The following TASP1 variants were observed in gnomAD, a reference collection of about 807,000 sequenced individuals.
TASP1 encodes threonine aspartase 1.
TASP1 carries 16 observed loss-of-function variants against 56.6 expected under a neutral mutation model. The ratio of observed to expected loss-of-function variants is 0.28; its 90% CI spans 0.19 to 0.43. The LOEUF is 0.43. Ranked by LOEUF, TASP1 falls within the 20% of genes least tolerant of loss-of-function variation. The probability of loss-of-function intolerance (pLI) is 1.00; values close to 1 mark genes in which losing one functional copy is unlikely to be tolerated. For synonymous variants in TASP1, 179 were observed against 184.2 expected (o/e 0.97, Z 0.23); for missense variants, 393 against 511.6 (o/e 0.77, Z 2.24).
the TASP1 span, chr20:13,238,917 AG>A: frequency 6.6e-6 from 1 of 152,240 alleles, no homozygotes; most frequent in African/African-American, 2.4e-5. Context: ...TGCTGGAAAA[AG>A]GCTAACAACT....
chr20:13,467,212 C>CACACAT (rs2044294812), intron 11 of TASP1, among the ~76,000 whole-genome samples: 1 of 150,880 alleles, frequency 6.6e-6, no homozygotes, highest in Non-Finnish European at 1.5e-5. Context: ...CACACACACA[C>CACACAT]ACACGACACA....
At chr20:13,519,849 A>G (rs1232476517) in intron 10 of TASP1, among the ~76,000 whole-genome samples, 1 of 152,218 alleles carries the variant, frequency 6.6e-6, no homozygotes, top group Non-Finnish European at 1.5e-5. Flanking sequence ...TTTGCAGATG[A>G]CATGATTGTA....
At chr20:13,438,718 A>C (rs969678364) in intron 11 of TASP1, among the ~76,000 whole-genome samples, 1 of 152,248 alleles carries the variant, frequency 6.6e-6, no homozygotes, top group Non-Finnish European at 1.5e-5. Flanking sequence ...GTGAACAGGC[A>C]ACCTATAGAA....
chr20:13,538,571 C>A (rs534924769), intron 8 of TASP1, among the ~76,000 whole-genome samples: 57 of 152,148 alleles, frequency 3.7e-4, no homozygotes, highest in African/African-American at 1.3e-3. Context: ...TGACTTATAC[C>A]CTAACATGAC....
the TASP1 span, among the ~76,000 whole-genome samples, chr20:13,122,302 C>G: frequency 7.2e-5 from 11 of 152,222 alleles, no homozygotes; most frequent in Non-Finnish European, 1.5e-4. Context: ...CAATGTGACT[C>G]AATCTGTGAT....
the TASP1 span, among the ~76,000 whole-genome samples, chr20:13,155,841 T>A: frequency 6.6e-6 from 1 of 151,964 alleles, no homozygotes; most frequent in Admixed American, 6.6e-5. Flanking sequence ...ATAATAATAA[T>A]AATAAGTTTT....
the TASP1 span, among the ~76,000 whole-genome samples, chr20:13,234,803 T>G: frequency 6.6e-6 from 1 of 152,228 alleles, no homozygotes; most frequent in Non-Finnish European, 1.5e-5. Flanking sequence ...AACGAGGTCA[T>G]TTGGTTTTTT....
At chr20:13,317,657 C>A in the TASP1 span, among the ~76,000 whole-genome samples, 25 of 152,024 alleles carry the variant, frequency 1.6e-4, no homozygotes, top group Admixed American at 8.5e-4. Context: ...AGTCAGTTGA[C>A]CTTTGACAAG....
intron 6 of TASP1, among the ~76,000 whole-genome samples, chr20:13,579,034 C>A (rs1403809815): frequency 1.3e-5 from 2 of 152,178 alleles, no homozygotes; most frequent in Non-Finnish European, 2.9e-5. Context: ...ATACTTTTTA[C>A]ATGGTTTATG....
At chr20:13,443,625 G>A (rs942662061) in intron 11 of TASP1, among the ~76,000 whole-genome samples, 4 of 152,168 alleles carry the variant, frequency 2.6e-5, no homozygotes, top group African/African-American at 7.2e-5. Flanking sequence ...ATTCACTTAG[G>A]TTGTAAATCC....
At chr20:13,407,610 G>A (rs1375470472) in intron 13 of TASP1, among the ~76,000 whole-genome samples, 2 of 152,106 alleles carry the variant, frequency 1.3e-5, no homozygotes, top group African/African-American at 4.8e-5. Flanking sequence ...GAATTGCTGG[G>A]TCACATGGTA....
chr20:13,334,838 T>C, the TASP1 span, among the ~76,000 whole-genome samples: 1 of 152,334 alleles, frequency 6.6e-6, no homozygotes, highest in Non-Finnish European at 1.5e-5. Context: ...AACAAATTCA[T>C]AGACAAGGTC....
chr20:13,502,631 G>A (rs937871638), intron 10 of TASP1, among the ~76,000 whole-genome samples: 3 of 148,952 alleles, frequency 2.0e-5, no homozygotes, highest in African/African-American at 5.2e-5. Flanking sequence ...TTGTGACAAG[G>A]TAGGAGAGGG....
intron 6 of TASP1, among the ~76,000 whole-genome samples, chr20:13,571,468 G>T (rs1272735486): frequency 1.3e-5 from 2 of 152,212 alleles, no homozygotes; most frequent in African/African-American, 4.8e-5. Context: ...CTACTTCAAA[G>T]TCCCATTGAC....
At chr20:13,237,057 C>T in the TASP1 span, among the ~76,000 whole-genome samples, 3 of 152,178 alleles carry the variant, frequency 2.0e-5, no homozygotes, top group South Asian at 2.1e-4. Flanking sequence ...GTGGGGGCTC[C>T]GGTCCCACAT....
At chr20:13,130,649 C>T in the TASP1 span, among the ~76,000 whole-genome samples, 3 of 152,196 alleles carry the variant, frequency 2.0e-5, no homozygotes, top group Non-Finnish European at 2.9e-5. Context: ...GGCTGCAGGC[C>T]GTGCATGCAT....
At chr20:13,430,493 G>A (rs6033708) in intron 12 of TASP1, among the ~76,000 whole-genome samples, 9,663 of 152,244 alleles carry the variant, frequency 0.063, 454 homozygotes, top group African/African-American at 0.13. Flanking sequence ...AGTTTTTTGC[G>A]AAGTGGGCTT....
At chr20:13,156,735 A>T in the TASP1 span, among the ~76,000 whole-genome samples, 1 of 152,236 alleles carries the variant, frequency 6.6e-6, no homozygotes, top group Non-Finnish European at 1.5e-5. Context: ...TTAATATAGT[A>T]GTTGGCATGC....
At chr20:13,225,302 A>T in the TASP1 span, among the ~76,000 whole-genome samples, 1 of 152,130 alleles carries the variant, frequency 6.6e-6, no homozygotes, top group African/African-American at 2.4e-5. Context: ...TATAGTGGGG[A>T]GCTATTTGAA....
Sources: gnomAD v4.1 joint callset for allele counts (sites outside exome capture counted in the v4.1 genomes callset) on GRCh38, gnomAD v4.1.1 for gene constraint, MANE v1.5 for transcripts, NCBI Gene and HGNC (gene_info 2026-07-23, HGNC 2026-07-21) for gene names.